KCNMA1: variants seen among roughly 807,000 people sequenced by gnomAD.
The protein encoded by KCNMA1 is Calcium-activated potassium channel subunit alpha-1.
Under a neutral mutation model 140.0 loss-of-function variants are expected in KCNMA1, and 29 were observed. The ratio of observed to expected loss-of-function variants is 0.21; its 90% CI spans 0.15 to 0.28. KCNMA1 has a LOEUF of 0.28. Among genes scored for constraint, KCNMA1 ranks in the 10% least tolerant of loss-of-function variants. The probability of loss-of-function intolerance (pLI) is 1.00; values close to 1 mark genes in which losing one functional copy is unlikely to be tolerated. For missense variants in KCNMA1, 880 were observed against 1,602.2 expected, an observed-to-expected ratio of 0.55 and a Z score of 7.70; for synonymous variants, 612 against 611.9, an observed-to-expected ratio of 1.00 and a Z score of 0.00.
chr10:77,610,474 G>A (rs2086427220), intron 1 of KCNMA1, among the ~76,000 whole-genome samples: 1 of 151,626 alleles, frequency 6.6e-6, no homozygotes, highest in African/African-American at 2.4e-5. Context: ...AAGGGTGGAG[G>A]CTCTCTCTCT....
chr10:76,945,035 C>T, intron 22 of KCNMA1, 70 bp from the exon 23 acceptor site: 23 of 1,248,748 alleles, frequency 1.8e-5, no homozygotes, highest in Non-Finnish European at 2.7e-5. Flanking sequence ...GAGAGAGGAG[C>T]AAAAGTGAGA....
intron 2 of KCNMA1, among the ~76,000 whole-genome samples, chr10:77,349,319 C>G (rs1176759557): frequency 6.6e-6 from 1 of 152,176 alleles, no homozygotes; most frequent in Non-Finnish European, 1.5e-5. Flanking sequence ...TCACCAGACA[C>G]CAAATCTGCT....
intron 2 of KCNMA1, among the ~76,000 whole-genome samples, chr10:77,330,629 G>A (rs890405840): frequency 1.1e-4 from 17 of 152,082 alleles, no homozygotes; most frequent in African/African-American, 3.9e-4. Context: ...GTGATCTCCC[G>A]ATTATACAGA....
intron 1 of KCNMA1, among the ~76,000 whole-genome samples, chr10:77,442,759 G>A (rs905748310): frequency 1.3e-5 from 2 of 152,118 alleles, no homozygotes; most frequent in Admixed American, 6.5e-5. Flanking sequence ...TTGCTAAGTT[G>A]TTGGTTTCTC....
chr10:77,422,576 A>G (rs1277555110), intron 1 of KCNMA1, among the ~76,000 whole-genome samples: 1 of 152,164 alleles, frequency 6.6e-6, no homozygotes, highest in Admixed American at 6.5e-5. Flanking sequence ...TTTTTTTCCA[A>G]AAGATTTGTT....
chr10:77,300,163 C>T (rs980052290), intron 2 of KCNMA1, among the ~76,000 whole-genome samples: 1 of 152,214 alleles, frequency 6.6e-6, no homozygotes, highest in Non-Finnish European at 1.5e-5. Flanking sequence ...GGACAGGACG[C>T]CCCTGCACTT....
rs2075559827 is a variant in KCNMA1 at position 76,970,028 on chromosome 10, T to G, written c.2306A>C (p.Lys769Thr). ...GTTCCGCATGCCTCCATTCCGTTGC[T>G]TTTTTTTTGGTGATAGTGTTGACGG... Reference protein sequence around the residue: ...EQPSTLSPKKKQRNGGMRNSP... With the variant: ...EQPSTLSPKKTQRNGGMRNSP... Residue 769 changes from lysine to threonine, a missense_variant, in exon 20 of 28, where the codon AAG (lysine) becomes ACG (threonine). This residue lies in a region of KCNMA1 where 196 missense variants were observed against 233.0 expected (regional missense o/e 0.84). Transcript: ENST00000286628. 6 of 1,577,088 alleles carry G rather than the reference T, an allele frequency of 3.8e-6. No individual in the cohort carries two copies. The highest frequency in any genetic ancestry group is 1.7e-5 in the Admixed American group (1 of 59,210).
intron 5 of KCNMA1, among the ~76,000 whole-genome samples, chr10:77,174,123 AGT>A (rs1236887694): frequency 6.6e-6 from 1 of 152,148 alleles, no homozygotes; most frequent in Non-Finnish European, 1.5e-5. Flanking sequence ...GCAGCAGAGT[AGT>A]GTGTCCTGGA....
At chr10:76,954,737 A>C (rs1448944707) in intron 20 of KCNMA1, among the ~76,000 whole-genome samples, 2 of 152,192 alleles carry the variant, frequency 1.3e-5, no homozygotes, top group Non-Finnish European at 2.9e-5. Context: ...GCATCTTAAT[A>C]AACTTGTTTC....
chr10:76,960,308 G>A (rs967848024), intron 20 of KCNMA1, among the ~76,000 whole-genome samples: 1 of 152,138 alleles, frequency 6.6e-6, no homozygotes, highest in Admixed American at 6.5e-5. Context: ...GGAGGGCTGA[G>A]GTGGGCAGAT....
intron 3 of KCNMA1, among the ~76,000 whole-genome samples, chr10:77,190,940 A>G (rs2098933469): frequency 1.3e-5 from 2 of 152,208 alleles, no homozygotes. Flanking sequence ...ATGAAAGCTG[A>G]TAATACTTAG....
At chr10:77,035,336 C>A (rs1210445116) in intron 15 of KCNMA1, among the ~76,000 whole-genome samples, 4 of 152,288 alleles carry the variant, frequency 2.6e-5, no homozygotes, top group South Asian at 2.1e-4. Flanking sequence ...CCCATGTCCC[C>A]CCAGCCTACA....
Position 77,619,350 on chromosome 10 carries a change from T to C in KCNMA1, c.378+17915A>G, listed in dbSNP as rs553772836. On this transcript the variant is annotated intron_variant, in intron 1 of 27. Transcript: ENST00000286628. ...TCTCTCTCTCTCTCTCTCTCTCGTA[T>C]GCCCACGCACATGCTTCCTCTCACT... is the stretch of plus-strand genomic sequence containing the variant. Among the ~76,000 whole-genome samples, 5 of 150,008 alleles carry C rather than the reference T, an allele frequency of 3.3e-5. No homozygotes were observed. In the East Asian group the frequency reaches 5.9e-4, roughly 18 times the overall value.
intron 20 of KCNMA1, among the ~76,000 whole-genome samples, chr10:76,967,141 C>A: frequency 6.6e-6 from 1 of 152,178 alleles, no homozygotes; most frequent in East Asian, 1.9e-4. Context: ...CCCATCCTAG[C>A]CCATTCTGGG....
chr10:77,047,312 C>T (rs1315560731), intron 14 of KCNMA1, among the ~76,000 whole-genome samples: 1 of 152,208 alleles, frequency 6.6e-6, no homozygotes, highest in African/African-American at 2.4e-5. Context: ...TGCAGACTAT[C>T]AAATGAGATT....
At chr10:76,916,798 T>C (rs1010611837) in intron 23 of KCNMA1, among the ~76,000 whole-genome samples, 4 of 152,224 alleles carry the variant, frequency 2.6e-5, no homozygotes, top group Non-Finnish European at 4.4e-5. Flanking sequence ...TAATTGCCTG[T>C]TGTTTTGGAG....
At chr10:77,366,717 C>T (rs995167611) in intron 2 of KCNMA1, among the ~76,000 whole-genome samples, 8 of 152,098 alleles carry the variant, frequency 5.3e-5, no homozygotes, top group Non-Finnish European at 8.8e-5. Context: ...GTCCACTCTA[C>T]ACACACATGT....
intron 5 of KCNMA1, among the ~76,000 whole-genome samples, chr10:77,180,612 A>G (rs2098795553): frequency 6.6e-6 from 1 of 152,112 alleles, no homozygotes; most frequent in South Asian, 2.1e-4. Flanking sequence ...CTTCCTTATT[A>G]GGTTCAGTGT....
chr10:77,225,267 C>T (rs988130321), intron 3 of KCNMA1, among the ~76,000 whole-genome samples: 2 of 152,118 alleles, frequency 1.3e-5, no homozygotes, highest in African/African-American at 2.4e-5. Context: ...CATTGAAGCT[C>T]ACCAACTGGG....
Sources: allele counts gnomAD v4.1 joint callset (sites outside exome capture counted in the v4.1 genomes callset), GRCh38; gene constraint gnomAD v4.1.1; regional missense constraint gnomAD v4.1.1; transcripts MANE v1.5; gene names NCBI Gene and HGNC (gene_info 2026-07-23, HGNC 2026-07-21).